Variants in DHX57 observed in about 807,000 individuals in gnomAD.
The protein encoded by DHX57 is putative ATP-dependent RNA helicase DHX57.
DHX57 carries 105 observed loss-of-function variants against 156.2 expected under a neutral mutation model. The observed-to-expected ratio is 0.67, with a 90% CI of 0.57 to 0.79. The LOEUF is 0.79. Ranked by LOEUF, DHX57 falls within the 30% of genes least tolerant of loss-of-function variation. The pLI is 0.00. For synonymous variants in DHX57, 704 were observed against 595.6 expected (o/e 1.18, Z -2.65); for missense variants, 1,847 against 1,661.9 (o/e 1.11, Z -1.94).
intron 20 of DHX57, among the ~76,000 whole-genome samples, chr2:38,814,787 A>C (rs1670442290): frequency 6.6e-6 from 1 of 151,884 alleles, no homozygotes; most frequent in South Asian, 2.1e-4. Flanking sequence ...CAATGGCGCG[A>C]TCTCGGCTCA....
intron 13 of DHX57, among the ~76,000 whole-genome samples, chr2:38,835,135 A>C (rs1391452751): frequency 1.3e-5 from 2 of 152,196 alleles, no homozygotes; most frequent in Non-Finnish European, 2.9e-5. Context: ...AGATGCCATT[A>C]AGAAAATCAT....
chr2:38,858,238 T>A (rs1673005503), intron 6 of DHX57, among the ~76,000 whole-genome samples: 1 of 152,106 alleles, frequency 6.6e-6, no homozygotes. Flanking sequence ...ATTTTTGTAT[T>A]TTTAGTAGAG....
chr2:38,858,929 G>C, intron 5 of DHX57, 93 bp from the exon 6 acceptor site: 2 of 1,282,680 alleles, frequency 1.6e-6, no homozygotes, highest in Non-Finnish European at 2.1e-6. Context: ...ACAACAAAAA[G>C]TCAAAATGGA....
intron 13 of DHX57, among the ~76,000 whole-genome samples, chr2:38,834,262 C>T (rs1054488063): frequency 2.2e-5 from 3 of 138,650 alleles, no homozygotes; most frequent in Non-Finnish European, 4.6e-5. Context: ...ACCTGGGAAG[C>T]GGAGGTTGCG....
rs1215661569 is a variant in DHX57 at position 38,861,269 on chromosome 2, G to A, written c.1141C>T (p.Leu381=). Residue 381 remains leucine (L), a synonymous_variant, in exon 5 of 24, where the codon CTA becomes TTA. Coordinates refer to ENST00000457308, the MANE Select transcript of DHX57 (RefSeq NM_198963.3). ...LVAFYSTNEN[L]PLACRLHISE... ...ATATGTAAACGACAAGCCAGAGGTA[G>A]GTTCTCATTGGTGGAATAAAATGCC... 6.2e-7 allele frequency: 1 copy of A among 1,614,184 alleles called. No homozygotes were observed. The highest frequency in any genetic ancestry group is 8.5e-7 in the Non-Finnish European group (1 of 1,180,022).
chr2:38,873,297 C>A (rs1196434581), intron 1 of DHX57, among the ~76,000 whole-genome samples: 3 of 152,054 alleles, frequency 2.0e-5, no homozygotes. Context: ...AGCCATAAAC[C>A]TCAATAAATG....
At chr2:38,833,446 T>A (rs1671485451) in intron 13 of DHX57, among the ~76,000 whole-genome samples, 1 of 152,046 alleles carries the variant, frequency 6.6e-6, no homozygotes, top group South Asian at 2.1e-4. Flanking sequence ...CCCGGCCTAT[T>A]TTTAGATATT....
At chr2:38,867,055 A>AT in intron 2 of DHX57, 1 of 152,260 alleles carries the variant, frequency 6.6e-6, no homozygotes, top group South Asian at 2.1e-4. Flanking sequence ...CTTATACTCT[A>AT]TTTTTACTAT....
rs1572700563 is a variant in DHX57 at position 38,857,924 on chromosome 2, T to C, written c.1587+737A>G. Among the ~76,000 whole-genome samples the C allele has an allele frequency of 2.0e-5, 3 of 152,346 alleles. No homozygotes were observed. The East Asian group carries it at 5.8e-4, about 29-fold the overall frequency. ...CGCAGTATTTGTTTTGTTTTGTTTT[T>C]AGAGACAGGGACTCATTATGTTTTC... is the stretch of plus-strand genomic sequence containing the variant. On this transcript the variant is annotated intron_variant, in intron 6 of 23. Coordinates refer to ENST00000457308, the MANE Select transcript of DHX57 (RefSeq NM_198963.3).
At chr2:38,816,177 T>G (rs1452019678) in intron 19 of DHX57, 4 of 471,074 alleles carry the variant, frequency 8.5e-6, no homozygotes, top group Non-Finnish European at 1.8e-5. Context: ...TGCTGGCTCA[T>G]CTCTTTTCCT....
chr2:38,846,876 T>TG, intron 11 of DHX57, 143 bp downstream of exon 11: 6 of 510,238 alleles, frequency 1.2e-5, no homozygotes, highest in Non-Finnish European at 2.0e-5. Context: ...TCTCAATAGA[T>TG]GGGGGTCCCA....
Position 38,862,033 on chromosome 2 carries a change from G to T in DHX57, c.572+112C>A, listed in dbSNP as rs1204041758. On this transcript the variant is annotated intron_variant, in intron 4 of 23. Coordinates refer to ENST00000457308, the MANE Select transcript of DHX57 (RefSeq NM_198963.3). ...TAAGATAGAATATTAGGCCTATCAG[G>T]CATTGCTGGAACCCACATAATAGGA... 7 of 1,294,164 alleles carry T rather than the reference G, an allele frequency of 5.4e-6. No homozygotes were observed. The African/African-American group carries it at 7.5e-5, about 14-fold the overall frequency. 80.2% of individuals were successfully genotyped at this position (1,294,164 alleles called of 1,614,324 possible). A position where few individuals can be genotyped will look rare whatever the true frequency, so the allele number is the denominator to read the frequency against.
At chr2:38,825,711 T>C (rs1221492715) in intron 16 of DHX57, 136 bp downstream of exon 16, 2 of 875,938 alleles carry the variant, frequency 2.3e-6, no homozygotes, top group Admixed American at 5.1e-5. Flanking sequence ...AGGATATCTT[T>C]CTTCACAAAT....
At chr2:38,828,299 C>T (rs1671208027) in intron 14 of DHX57, 41 bp downstream of exon 14, 1 of 1,504,104 alleles carries the variant, frequency 6.6e-7, no homozygotes, top group African/African-American at 1.4e-5. Flanking sequence ...TTAGAGGTAA[C>T]TGCAATGGAT....
chr2:38,823,210 A>G lies in DHX57; in HGVS notation c.3074T>C (p.Ile1025Thr). The change falls in exon 17 of 24, where the codon ATT becomes ACT. Residue 1025 changes from isoleucine to threonine, a missense_variant. Transcript: ENST00000457308. Reference protein sequence around the residue: ...HNLQSVFSRLIEPPHTDSLRA... With the variant: ...HNLQSVFSRLTEPPHTDSLRA... ...AAGAGAATCGGTGTGTGGAGGTTCAATGAGCCGAGAGAACACAGACTGGAG... is the reference window on the plus strand; with the variant it reads ...AAGAGAATCGGTGTGTGGAGGTTCAGTGAGCCGAGAGAACACAGACTGGAG... 1 of 1,614,184 alleles carries G rather than the reference A, an allele frequency of 6.2e-7. No individual in the cohort carries two copies. Among genetic ancestry groups the G allele is most frequent in the Non-Finnish European group, 8.5e-7 (1 of 1,180,036 alleles).
At chr2:38,803,089 C>T (rs925315838) in intron 22 of DHX57, 174 bp from the exon 23 acceptor site, 13 of 633,554 alleles carry the variant, frequency 2.1e-5, no homozygotes, top group African/African-American at 2.0e-4. Flanking sequence ...GCCATCTCCT[C>T]TTGGACATTT....
At position 38,806,569 on chromosome 2, in the gene DHX57, A is replaced by C. The variant is rs756403693; in HGVS notation, c.3806T>G (p.Val1269Gly). The C allele has an allele frequency of 6.2e-7, 1 of 1,613,886 alleles. No individual in the cohort carries two copies. Among genetic ancestry groups the C allele is most frequent in the South Asian group, 1.1e-5 (1 of 91,010 alleles). The change falls in exon 22 of 24, where the codon GTG becomes GGG. Residue 1269 changes from valine to glycine, a missense_variant. Transcript: ENST00000457308. The part of the protein sequence containing the change: ...DGYVHIHPSS[V>G]NYQVRHFDSP... ...CTCCACCATTCTGACCTGATAGTTCACTGATGAAGGGTGAATGTGTACATA... is the reference window on the plus strand; with the variant it reads ...CTCCACCATTCTGACCTGATAGTTCCCTGATGAAGGGTGAATGTGTACATA...
chr2:38,863,395 C>G lies in DHX57; in HGVS notation c.349G>C (p.Asp117His). The change falls in exon 3 of 24, where the codon GAC becomes CAC. Residue 117 changes from aspartate to histidine, a missense_variant. Asp to His is a moderately conservative substitution (Grantham distance 81). Transcript: ENST00000457308. ...NQEKVKALLR[D>H]LQEQDADAGS... The stretch of plus-strand genomic sequence containing the variant: ...GCATCAGCATCTTGTTCTTGCAGGT[C>G]TCGGAGAAGAGCTTTCACTTTCTCT... 1 of 1,613,588 alleles carries G rather than the reference C, an allele frequency of 6.2e-7. No homozygotes were observed. The highest frequency in any genetic ancestry group is 1.1e-5 in the South Asian group (1 of 90,984).
At chr2:38,862,584 C>G (rs1282263750) in intron 3 of DHX57, 7 of 298,200 alleles carry the variant, frequency 2.3e-5, no homozygotes, top group Non-Finnish European at 4.2e-5. Flanking sequence ...GTACCAAATA[C>G]TACTGGAATG....
Sources: gnomAD v4.1 joint callset for allele counts (sites outside exome capture counted in the v4.1 genomes callset) on GRCh38, gnomAD v4.1.1 for gene constraint, MANE v1.5 for transcripts, NCBI Gene and HGNC (gene_info 2026-07-23, HGNC 2026-07-21) for gene names.